HOMER2: variants seen among roughly 807,000 people sequenced by gnomAD.
The protein encoded by HOMER2 is homer scaffold protein 2.
HOMER2 carries 27 observed loss-of-function variants against 47.0 expected under a neutral mutation model. That is an observed-to-expected ratio of 0.57 (90% CI 0.42 to 0.79). The LOEUF (loss-of-function observed/expected upper bound fraction) is 0.79, where lower values mean the gene tolerates loss of function less well. Among genes scored for constraint, HOMER2 ranks in the 30% least tolerant of loss-of-function variants. The pLI is 0.00. For synonymous variants in HOMER2, 161 were observed against 163.8 expected (o/e 0.98, Z 0.13); for missense variants, 443 against 435.0 (o/e 1.02, Z -0.16).
At chr15:82,866,464 G>A (rs1448364855) in intron 3 of HOMER2, among the ~76,000 whole-genome samples, 2 of 152,220 alleles carry the variant, frequency 1.3e-5, no homozygotes, top group East Asian at 3.8e-4. Flanking sequence ...TTGAGTTAAT[G>A]CTGAAATGAG....
intron 1 of HOMER2, among the ~76,000 whole-genome samples, chr15:82,921,453 C>A (rs943432036): frequency 2.6e-5 from 4 of 152,192 alleles, no homozygotes; most frequent in African/African-American, 9.7e-5. Flanking sequence ...CTGATCTGAG[C>A]TGATACCATG....
At chr15:82,862,466 G>C (rs2051827048) in intron 4 of HOMER2, among the ~76,000 whole-genome samples, 1 of 152,076 alleles carries the variant, frequency 6.6e-6, no homozygotes, top group Non-Finnish European at 1.5e-5. Context: ...CTTTTGAGAG[G>C]GGGTAAATAT....
intron 2 of HOMER2, among the ~76,000 whole-genome samples, chr15:82,891,805 T>A (rs1180042751): frequency 6.6e-6 from 1 of 152,084 alleles, no homozygotes; most frequent in Non-Finnish European, 1.5e-5. Context: ...CTTGACAAAC[T>A]TAAAGAAGGA....
At chr15:82,858,551 C>G (rs916314577) in intron 5 of HOMER2, among the ~76,000 whole-genome samples, 1 of 152,172 alleles carries the variant, frequency 6.6e-6, no homozygotes, top group Non-Finnish European at 1.5e-5. Flanking sequence ...CTGCCTTGGC[C>G]TTCCAAAATG....
chr15:82,860,986 C>A (rs2448607), intron 4 of HOMER2, among the ~76,000 whole-genome samples: 94,876 of 134,274 alleles, frequency 0.71, 33,646 homozygotes, highest in African/African-American at 0.75. Context: ...AGAGAGAAAG[C>A]GAAAGAGAAA....
intron 2 of HOMER2, among the ~76,000 whole-genome samples, chr15:82,891,526 A>T (rs957218407): frequency 6.6e-6 from 1 of 152,244 alleles, no homozygotes; most frequent in African/African-American, 2.4e-5. Context: ...CTTCCCTGGG[A>T]GAGCTTCCCT....
intron 2 of HOMER2, among the ~76,000 whole-genome samples, chr15:82,876,777 A>C (rs1378846196): frequency 6.6e-6 from 1 of 152,240 alleles, no homozygotes; most frequent in Non-Finnish European, 1.5e-5. Flanking sequence ...AAAAAGTTTG[A>C]ATGGCATAGG....
chr15:82,849,742 C>A lies in HOMER2; in HGVS notation c.1005G>T (p.Gly335=), dbSNP rs1346665685. 2 of 1,613,722 alleles carry A rather than the reference C, an allele frequency of 1.2e-6. No individual in the cohort carries two copies. Among genetic ancestry groups the A allele is most frequent in the Non-Finnish European group, 1.7e-6 (2 of 1,179,798 alleles). The change falls in exon 9 of 9, where the codon GGG becomes GGT. Residue 335 remains glycine (G), a synonymous_variant. Transcript: ENST00000450735. ...AGTTATCGGTGCCCAGCTTGGAGAG[C>A]CCTCGGCGGAAGTCATGCAGGTCGT... The part of the protein sequence containing the change: ...KIDDLHDFRR[G]LSKLGTDN
At chr15:82,855,163 T>G (rs2151610521) in intron 5 of HOMER2, among the ~76,000 whole-genome samples, 1 of 151,702 alleles carries the variant, frequency 6.6e-6, no homozygotes, top group African/African-American at 2.4e-5. Context: ...GGTGAAAACC[T>G]GTCTCTACTA....
intron 1 of HOMER2, among the ~76,000 whole-genome samples, chr15:82,975,023 T>C (rs2030155745): frequency 6.6e-6 from 1 of 151,994 alleles, no homozygotes; most frequent in African/African-American, 2.4e-5. Flanking sequence ...TGAGCCAAGA[T>C]TGCACCACTG....
rs368134483 is a variant in HOMER2, at chr15:82,849,676, G to A, written c.*39C>T. ...TAGAGCTATCTGGTCTCGCACACAC[G>A]CTTGGGACTCACGGGCGGGGCCTGG... On this transcript the variant is annotated 3_prime_UTR_variant, in exon 9 of 9. Transcript: ENST00000450735. 110 of 1,578,904 alleles carry A rather than the reference G, an allele frequency of 7.0e-5. No homozygotes were observed. Among genetic ancestry groups the A allele is most frequent in the African/African-American group, 1.1e-4 (8 of 74,194 alleles).
intron 1 of HOMER2, among the ~76,000 whole-genome samples, chr15:82,905,278 T>TA (rs2053254406): frequency 1.9e-5 from 2 of 104,824 alleles, no homozygotes; most frequent in African/African-American, 6.7e-5. Context: ...GAGAAAAGAC[T>TA]GAAAAAAAAA....
At chr15:82,890,550 C>T (rs770219248) in intron 2 of HOMER2, among the ~76,000 whole-genome samples, 1 of 152,180 alleles carries the variant, frequency 6.6e-6, no homozygotes, top group Non-Finnish European at 1.5e-5. Context: ...TACCCTCCCA[C>T]ACCCATCTGA....
intron 1 of HOMER2, among the ~76,000 whole-genome samples, chr15:82,984,421 C>T (rs550388168): frequency 6.6e-6 from 1 of 152,310 alleles, no homozygotes; most frequent in South Asian, 2.1e-4. Context: ...CCATACTATC[C>T]TATATACTTT....
downstream of HOMER2, chr15:82,846,596 C>T (rs564405569): frequency 4.0e-5 from 6 of 151,612 alleles, no homozygotes; most frequent in Admixed American, 6.6e-5. Context: ...TGCTGGTCAC[C>T]GCTGGGTGAC....
chr15:82,942,783 C>T (rs2054293113), intron 1 of HOMER2, among the ~76,000 whole-genome samples: 2 of 152,178 alleles, frequency 1.3e-5, no homozygotes, highest in African/African-American at 4.8e-5. Context: ...AGCTCATTCT[C>T]CCGGCCTTCC....
exon 2 of HOMER2, chr15:82,839,313 T>C (rs1596293883): frequency 6.6e-6 from 1 of 152,232 alleles, no homozygotes; most frequent in East Asian, 1.9e-4. Context: ...AAGCATGGGG[T>C]TGCCCCAAAG....
chr15:82,970,870 G>A (rs2029961395), intron 1 of HOMER2, among the ~76,000 whole-genome samples: 1 of 152,078 alleles, frequency 6.6e-6, no homozygotes. Flanking sequence ...TCTAAAAATG[G>A]CCCAAGATAA....
chr15:82,937,724 A>G (rs1041930026), intron 1 of HOMER2, among the ~76,000 whole-genome samples: 2 of 152,216 alleles, frequency 1.3e-5, no homozygotes, highest in African/African-American at 4.8e-5. Context: ...CAATGGAGAC[A>G]GAGCAGGCTC....
Sources: gnomAD v4.1 joint callset for allele counts (sites outside exome capture counted in the v4.1 genomes callset) on GRCh38, gnomAD v4.1.1 for gene constraint, MANE v1.5 for transcripts, NCBI Gene and HGNC (gene_info 2026-07-23, HGNC 2026-07-21) for gene names.